Variants in CNTN3 observed in about 807,000 individuals in gnomAD.
CNTN3 encodes the protein contactin 3, also known as contactin-3.
A neutral mutation model predicts 119.1 loss-of-function variants in CNTN3; 60 were observed. That is an observed-to-expected ratio of 0.50 (90% CI 0.41 to 0.62). The LOEUF (loss-of-function observed/expected upper bound fraction) is 0.62, where lower values mean the gene tolerates loss of function less well. CNTN3 is among the 20% of genes least tolerant of loss of function. The pLI is 0.00. For synonymous variants in CNTN3, 450 were observed against 438.7 expected (o/e 1.03, Z -0.32); for missense variants, 1,101 against 1,242.4 (o/e 0.89, Z 1.71).
At chr3:74,476,983 G>A (rs568662931) in intron 4 of CNTN3, among the ~76,000 whole-genome samples, 1 of 152,226 alleles carries the variant, frequency 6.6e-6, no homozygotes, top group East Asian at 1.9e-4. Flanking sequence ...AAACCAGGAG[G>A]AGTAAAGAAT....
At chr3:74,334,502 A>C (rs755832687) in intron 13 of CNTN3, among the ~76,000 whole-genome samples, 1 of 152,260 alleles carries the variant, frequency 6.6e-6, no homozygotes, top group Non-Finnish European at 1.5e-5. Context: ...AACATTTACT[A>C]TAAATACAAC....
At chr3:74,264,659 A>T (rs1701634664) in intron 22 of CNTN3, among the ~76,000 whole-genome samples, 158 bp from the exon 23 acceptor site, 1 of 152,108 alleles carries the variant, frequency 6.6e-6, no homozygotes. Context: ...GAGAGGTGAC[A>T]CTGAATCTGC....
At chr3:74,403,021 T>C (rs1226838383) in intron 5 of CNTN3, among the ~76,000 whole-genome samples, 5 of 152,142 alleles carry the variant, frequency 3.3e-5, no homozygotes, top group African/African-American at 9.7e-5. Context: ...GTGAGGTAGG[T>C]TGAGTCCAGA....
rs565514240 is a variant in CNTN3, at chr3:74,438,510, T to G, written c.359-13570A>C. Among the ~76,000 whole-genome samples, 4 of 152,316 alleles carry G rather than the reference T, an allele frequency of 2.6e-5. No individual in the cohort carries two copies. In the South Asian group the frequency reaches 8.3e-4, roughly 32 times the overall value. On this transcript the variant is annotated intron_variant, in intron 4 of 22. Coordinates refer to ENST00000263665, the MANE Select transcript of CNTN3 (RefSeq NM_020872.3). ...CCTAGCCACATCTATCCAGACTTAT[T>G]TGTCATCCAAGTCCAGCTAAATTAT...
At chr3:74,304,475 C>T (rs1702520063) in intron 13 of CNTN3, among the ~76,000 whole-genome samples, 1 of 152,134 alleles carries the variant, frequency 6.6e-6, no homozygotes, top group Non-Finnish European at 1.5e-5. Context: ...CTATTAAATG[C>T]CATCTAAGGC....
At chr3:74,358,695 G>A (rs1704004017) in intron 11 of CNTN3, among the ~76,000 whole-genome samples, 1 of 148,888 alleles carries the variant, frequency 6.7e-6, no homozygotes, top group Non-Finnish European at 1.5e-5. Context: ...GTGACATGCT[G>A]GTGCGCTGCA....
intron 13 of CNTN3, among the ~76,000 whole-genome samples, chr3:74,324,383 TA>T (rs1235403333): frequency 1.3e-5 from 2 of 152,134 alleles, no homozygotes; most frequent in Admixed American, 1.3e-4. Context: ...AGGTAATTTT[TA>T]ATTTTTGGTA....
intron 20 of CNTN3, among the ~76,000 whole-genome samples, chr3:74,268,996 C>T (rs564408954): frequency 6.9e-6 from 1 of 145,004 alleles, no homozygotes; most frequent in African/African-American, 2.6e-5. Context: ...TCACAACATA[C>T]GTGGGCTGAA....
At chr3:74,273,201 C>A (rs990778472) in intron 20 of CNTN3, among the ~76,000 whole-genome samples, 1 of 152,054 alleles carries the variant, frequency 6.6e-6, no homozygotes, top group Non-Finnish European at 1.5e-5. Context: ...TAATAAAAAC[C>A]GTCTGAAACA....
chr3:74,276,789 A>C (rs1369679781), intron 20 of CNTN3, among the ~76,000 whole-genome samples: 1 of 152,222 alleles, frequency 6.6e-6, no homozygotes, highest in African/African-American at 2.4e-5. Flanking sequence ...AAATCAGAGC[A>C]GAACTAAATG....
chr3:74,302,791 A>C lies in CNTN3; in HGVS notation c.1685T>G (p.Leu562Ter), dbSNP rs1268646225. The C allele has an allele frequency of 6.2e-7, 1 of 1,609,790 alleles. No individual in the cohort carries two copies. The highest frequency in any genetic ancestry group is 1.1e-5 in the South Asian group (1 of 90,846). ...EKVGGSSSGD[L>*]MIRNIQLKHS... ...TTTCAGCTGAATGTTTCTGATCATT[A>C]AATCACCAGATGAACTCTGTTGGGA... Residue 562 changes from leucine (L) to a stop codon, truncating the protein, a stop_gained, in exon 14 of 23, where the codon TTA becomes TGA. Coordinates refer to ENST00000263665, the MANE Select transcript of CNTN3 (RefSeq NM_020872.3). LOFTEE classifies it high-confidence loss of function.
At chr3:74,363,877 T>A (rs1433044777) in intron 10 of CNTN3, among the ~76,000 whole-genome samples, 1 of 152,070 alleles carries the variant, frequency 6.6e-6, no homozygotes, top group African/African-American at 2.4e-5. Context: ...TATGCCATGG[T>A]GTTTTGCTTG....
chr3:74,566,464 T>A (rs767325470), intron 1 of CNTN3, among the ~76,000 whole-genome samples: 9 of 152,182 alleles, frequency 5.9e-5, no homozygotes, highest in Non-Finnish European at 1.2e-4. Context: ...CCACACTCCC[T>A]CCAAAGGCAA....
intron 3 of CNTN3, among the ~76,000 whole-genome samples, chr3:74,491,635 A>G (rs1702966312): frequency 6.6e-6 from 1 of 152,218 alleles, no homozygotes; most frequent in Non-Finnish European, 1.5e-5. Context: ...CTGTAATCCA[A>G]CTGTCTGGGC....
intron 13 of CNTN3, among the ~76,000 whole-genome samples, chr3:74,330,055 A>G (rs1703223619): frequency 6.6e-6 from 1 of 152,152 alleles, no homozygotes; most frequent in Non-Finnish European, 1.5e-5. Flanking sequence ...CAGTGGTCCC[A>G]TAAGATTATA....
chr3:74,364,618 T>G (rs751008758), intron 9 of CNTN3, 22 bp from the exon 10 acceptor site: 1 of 1,576,172 alleles, frequency 6.3e-7, no homozygotes, highest in Non-Finnish European at 8.7e-7. Context: ...TAAAAATATC[T>G]TTCATATAAA....
At chr3:74,529,252 A>G (rs1258725327) in intron 1 of CNTN3, among the ~76,000 whole-genome samples, 1 of 151,872 alleles carries the variant, frequency 6.6e-6, no homozygotes, top group South Asian at 2.1e-4. Context: ...AACTTTTCCA[A>G]TGGATTAACA....
chr3:74,597,318 A>C lies in CNTN3; in HGVS notation c.-81+17073T>G, dbSNP rs572348929. Reference sequence around the variant, plus strand: ...TTCACATGATTTAATGGATGTAAAAACTCTCTGCACTCAAAGATCTTCCCT... The same window carrying C: ...TTCACATGATTTAATGGATGTAAAACCTCTCTGCACTCAAAGATCTTCCCT... On this transcript the variant is annotated intron_variant, in intron 1 of 22. Coordinates refer to ENST00000263665, the MANE Select transcript of CNTN3 (RefSeq NM_020872.3). Among the ~76,000 whole-genome samples, 9 of 151,898 alleles carry C rather than the reference A, an allele frequency of 5.9e-5. No individual in the cohort carries two copies. The South Asian group carries it at 1.7e-3, about 28-fold the overall frequency.
At chr3:74,609,655 CAA>C (rs1185497162) in intron 1 of CNTN3, among the ~76,000 whole-genome samples, 1 of 152,146 alleles carries the variant, frequency 6.6e-6, no homozygotes, top group Non-Finnish European at 1.5e-5. Context: ...AGAATACTGT[CAA>C]AGTCAGCTGC....
Sources: allele counts gnomAD v4.1 joint callset (sites outside exome capture counted in the v4.1 genomes callset), GRCh38; gene constraint gnomAD v4.1.1; transcripts MANE v1.5; gene names NCBI Gene and HGNC (gene_info 2026-07-23, HGNC 2026-07-21).